NLN: variants seen among roughly 807,000 people sequenced by gnomAD.
NLN encodes neurolysin, also known as neurolysin, mitochondrial.
Under a neutral mutation model 79.9 loss-of-function variants are expected in NLN, and 64 were observed. The observed-to-expected ratio is 0.80, with a 90% CI of 0.65 to 0.99. NLN has a LOEUF of 0.99. Ranked by LOEUF, NLN falls within the 50% of genes least tolerant of loss-of-function variation. NLN has a pLI of 0.00. For synonymous variants in NLN, 267 were observed against 296.6 expected (o/e 0.90, Z 1.02); for missense variants, 835 against 858.7 (o/e 0.97, Z 0.34).
At chr5:65,745,130 C>A (rs1758948653) in intron 1 of NLN, among the ~76,000 whole-genome samples, 1 of 152,124 alleles carries the variant, frequency 6.6e-6, no homozygotes, top group Admixed American at 6.5e-5. Flanking sequence ...AAAAGCTGCC[C>A]AAGTCTATGT....
At chr5:65,740,603 T>A (rs923767095) in intron 1 of NLN, among the ~76,000 whole-genome samples, 1 of 152,072 alleles carries the variant, frequency 6.6e-6, no homozygotes, top group Admixed American at 6.6e-5. Context: ...TGGGATGAGA[T>A]GAGGGTCTAA....
In NLN at chr5:65,780,285, A is replaced by C; in HGVS notation, c.661+4A>C. 1 of 1,237,164 alleles carries C rather than the reference A, an allele frequency of 8.1e-7. No individual in the cohort carries two copies. The highest frequency in any genetic ancestry group is 1.2e-6 in the Non-Finnish European group (1 of 868,602). The allele number at this position is 1,237,164 out of a possible 1,614,324, so 76.6% of individuals were successfully genotyped here. A position where few individuals can be genotyped will look rare whatever the true frequency, so the allele number is the denominator to read the frequency against. Reference sequence around the variant, plus strand: ...GTATTTTCCAAGGCTGAACTTGGTAAGTTTTATTATTTTTCTAGATTAAAT... The same window carrying C: ...GTATTTTCCAAGGCTGAACTTGGTACGTTTTATTATTTTTCTAGATTAAAT... On this transcript the variant is annotated splice_donor_region_variant and intron_variant, in intron 5 of 12. Coordinates refer to ENST00000380985, the MANE Select transcript of NLN (RefSeq NM_020726.5).
chr5:65,813,533 T>G (rs1225420844), intron 12 of NLN, among the ~76,000 whole-genome samples: 1 of 152,058 alleles, frequency 6.6e-6, no homozygotes, highest in East Asian at 1.9e-4. Flanking sequence ...ACCCCAGTGT[T>G]CTCTGTGGTC....
intron 9 of NLN, among the ~76,000 whole-genome samples, chr5:65,807,108 C>T (rs1760430068): frequency 1.3e-5 from 2 of 150,736 alleles, no homozygotes; most frequent in African/African-American, 4.9e-5. Context: ...ACCCGGGAGG[C>T]AGAGGTTACA....
At chr5:65,783,289 C>G (rs960934159) in intron 6 of NLN, among the ~76,000 whole-genome samples, 2 of 151,966 alleles carry the variant, frequency 1.3e-5, no homozygotes, top group African/African-American at 4.8e-5. Context: ...GCAGATTTTA[C>G]CACAATTTTT....
At chr5:65,774,735 T>A (rs369851395) in intron 3 of NLN, among the ~76,000 whole-genome samples, 6,531 of 109,554 alleles carry the variant, frequency 0.06, 200 homozygotes, top group Middle Eastern at 0.11. Context: ...ATATATTTTT[T>A]TTTTTTTTTG....
rs1001306605 is a variant in NLN, at chr5:65,809,344, G to T, written c.1528-171G>T. The T allele has an allele frequency of 5.2e-6, 3 of 580,060 alleles. No homozygotes were observed. In the South Asian group the frequency reaches 7.0e-5, roughly 14 times the overall value. The allele number at this position is 580,060 out of a possible 1,614,324, so 35.9% of individuals were successfully genotyped here. A position where few individuals can be genotyped will look rare whatever the true frequency, so the allele number is the denominator to read the frequency against. Reference sequence around the variant, plus strand: ...GTATTTGGGGGTTGTTTTTCACACTGTTCAGCTGCTGTGTTTTATTTTCAC... The same window carrying T: ...GTATTTGGGGGTTGTTTTTCACACTTTTCAGCTGCTGTGTTTTATTTTCAC... On this transcript the variant is annotated intron_variant, in intron 9 of 12. Coordinates refer to ENST00000380985, the MANE Select transcript of NLN (RefSeq NM_020726.5).
chr5:65,811,248 G>A (rs959921550), intron 11 of NLN, among the ~76,000 whole-genome samples: 1 of 152,154 alleles, frequency 6.6e-6, no homozygotes, highest in African/African-American at 2.4e-5. Context: ...AGAATGGTCC[G>A]TTGAGTCATT....
At chr5:65,795,085 G>C (rs1281950173) in intron 9 of NLN, among the ~76,000 whole-genome samples, 1 of 152,082 alleles carries the variant, frequency 6.6e-6, no homozygotes, top group Non-Finnish European at 1.5e-5. Flanking sequence ...GGGCGTGGTG[G>C]TTCATGCCTG....
At chr5:65,739,556 T>C (rs1758827421) in intron 1 of NLN, among the ~76,000 whole-genome samples, 1 of 152,188 alleles carries the variant, frequency 6.6e-6, no homozygotes, top group South Asian at 2.1e-4. Flanking sequence ...GATTGTATAG[T>C]AGTTCTATGT....
intron 7 of NLN, among the ~76,000 whole-genome samples, chr5:65,787,636 TG>T (rs1475314143): frequency 2.6e-5 from 4 of 152,174 alleles, no homozygotes; most frequent in Admixed American, 2.6e-4. Flanking sequence ...TTCACAGAAA[TG>T]GGGTAATGAG....
intron 4 of NLN, 116 bp from the exon 5 acceptor site, chr5:65,780,063 T>C: frequency 1.7e-6 from 1 of 589,712 alleles, no homozygotes; most frequent in Non-Finnish European, 3.0e-6. Context: ...TGACCTCAAA[T>C]GATCCACCCA....
intron 1 of NLN, among the ~76,000 whole-genome samples, chr5:65,744,749 A>C (rs1758939264): frequency 6.6e-6 from 1 of 152,142 alleles, no homozygotes; most frequent in Non-Finnish European, 1.5e-5. Context: ...AAATACAAAA[A>C]TTTGTATTCC....
At chr5:65,740,726 G>A (rs998075969) in intron 1 of NLN, among the ~76,000 whole-genome samples, 1 of 151,458 alleles carries the variant, frequency 6.6e-6, no homozygotes, top group African/African-American at 2.4e-5. Context: ...ATAAATGTGT[G>A]GATTTATTTC....
At position 65,781,314 on chromosome 5, in the gene NLN, T is replaced by C; in HGVS notation, c.715T>C (p.Tyr239His). The change falls in exon 6 of 13, where the codon TAT becomes CAT. Residue 239 changes from tyrosine (Y) to histidine (H), a missense_variant. Coordinates refer to ENST00000380985, the MANE Select transcript of NLN (RefSeq NM_020726.5). ...DSLEKTDDDK[Y>H]KITLKYPHYF... The stretch of plus-strand genomic sequence containing the variant: ...TTTAGAAAAGACAGATGATGACAAG[T>C]ATAAAATTACCTTAAAATATCCACA... The C allele has an allele frequency of 6.2e-7, 1 of 1,606,052 alleles. No homozygotes were observed.
chr5:65,813,089 C>G (rs139144694), intron 12 of NLN, among the ~76,000 whole-genome samples: 1 of 152,290 alleles, frequency 6.6e-6, no homozygotes, highest in East Asian at 1.9e-4. Flanking sequence ...AAATCAGGCT[C>G]TCTGTACTGA....
chr5:65,740,650 A>G (rs920439268), intron 1 of NLN, among the ~76,000 whole-genome samples: 3 of 151,826 alleles, frequency 2.0e-5, no homozygotes, highest in Non-Finnish European at 2.9e-5. Flanking sequence ...AGTTTTCCCA[A>G]CACCGTTCCC....
Position 65,777,462 on chromosome 5 carries a change from C to T in NLN, c.486C>T (p.Ala162=). 1.9e-6 allele frequency: 3 copies of T among 1,613,108 alleles called. No individual in the cohort carries two copies. Among genetic ancestry groups the T allele is most frequent in the Non-Finnish European group, 2.5e-6 (3 of 1,179,388 alleles). The change falls in exon 4 of 13, where the codon GCC becomes GCT. Residue 162 remains alanine (A), a synonymous_variant. Transcript: ENST00000380985. The part of the protein sequence containing the change: ...TCDLGKIKPE[A]RRYLEKSIKM... ...ATCTGGGGAAGATAAAACCTGAGGCCAGACGATACTTGGAAAAGTCAATTA... is the reference window on the plus strand; with the variant it reads ...ATCTGGGGAAGATAAAACCTGAGGCTAGACGATACTTGGAAAAGTCAATTA...
intron 9 of NLN, among the ~76,000 whole-genome samples, chr5:65,800,663 C>CTTAT (rs1554033902): frequency 0.37 from 51,931 of 141,900 alleles, 10,342 homozygotes; most frequent in African/African-American, 0.49. Flanking sequence ...AGAAAACTCT[C>CTTAT]TTATTTATTT....
Sources: allele counts gnomAD v4.1 joint callset (sites outside exome capture counted in the v4.1 genomes callset), GRCh38; gene constraint gnomAD v4.1.1; transcripts MANE v1.5; gene names NCBI Gene and HGNC (gene_info 2026-07-23, HGNC 2026-07-21).